Variants in MTOR observed in about 807,000 individuals in gnomAD.
The protein encoded by MTOR is mechanistic target of rapamycin kinase.
A neutral mutation model predicts 319.8 loss-of-function variants in MTOR; 70 were observed. The ratio of observed to expected loss-of-function variants is 0.22; its 90% CI spans 0.18 to 0.27. MTOR has a LOEUF of 0.27. Ranked by LOEUF, MTOR falls within the 10% of genes least tolerant of loss-of-function variation. The pLI is 1.00. For missense variants in MTOR, 1,890 were observed against 3,274.4 expected (o/e 0.58, Z 10.32); for synonymous variants, 1,183 against 1,211.4 (o/e 0.98, Z 0.49).
chr1:11,181,829 C>T (rs1334262282), intron 28 of MTOR, among the ~76,000 whole-genome samples: 1 of 152,188 alleles, frequency 6.6e-6, no homozygotes, highest in Admixed American at 6.5e-5. Flanking sequence ...AGGCTTTATG[C>T]TAAGTGCTAG....
intron 19 of MTOR, among the ~76,000 whole-genome samples, chr1:11,220,332 T>C (rs1459304037): frequency 6.6e-6 from 1 of 152,182 alleles, no homozygotes; most frequent in African/African-American, 2.4e-5. Flanking sequence ...TGGGATCGTA[T>C]CTACAGTTGT....
Position 11,243,339 on chromosome 1 carries a change from G to T in MTOR, c.1226-39C>A, listed in dbSNP as rs373653128. Reference sequence around the variant, plus strand: ...AGACAAAGTAGATAGCTCCAGGTCAGGGTTAGGGTCTACATATCAACAGTC... The same window carrying T: ...AGACAAAGTAGATAGCTCCAGGTCATGGTTAGGGTCTACATATCAACAGTC... On this transcript the variant is annotated intron_variant, in intron 8 of 57. Transcript: ENST00000361445. 4.3e-5 allele frequency: 69 copies of T among 1,588,756 alleles called. No homozygotes were observed. In the Middle Eastern group the frequency reaches 1.5e-3, roughly 35 times the overall value.
intron 28 of MTOR, among the ~76,000 whole-genome samples, chr1:11,174,966 C>A (rs1004521845): frequency 1.3e-5 from 2 of 152,200 alleles, no homozygotes; most frequent in African/African-American, 4.8e-5. Context: ...TGAGGCTTGT[C>A]AGCAACGTGC....
chr1:11,211,727 AATG>A (rs1366113602), intron 23 of MTOR, among the ~76,000 whole-genome samples: 1 of 152,118 alleles, frequency 6.6e-6, no homozygotes, highest in East Asian at 1.9e-4. Context: ...CTTGTCCAGG[AATG>A]ATATTTTGAG....
At chr1:11,162,777 G>A (rs1190667911) in intron 29 of MTOR, among the ~76,000 whole-genome samples, 1 of 152,152 alleles carries the variant, frequency 6.6e-6, no homozygotes, top group Non-Finnish European at 1.5e-5. Flanking sequence ...AAGAGCTCCT[G>A]AAGGAAGCAC....
intron 24 of MTOR, among the ~76,000 whole-genome samples, chr1:11,210,409 C>T (rs1646271878): frequency 6.6e-6 from 1 of 152,194 alleles, no homozygotes; most frequent in African/African-American, 2.4e-5. Flanking sequence ...CTTGGCCTCC[C>T]AAGGCGGGAG....
intron 54 of MTOR, among the ~76,000 whole-genome samples, chr1:11,112,437 T>C (rs1641934963): frequency 6.6e-6 from 1 of 152,242 alleles, no homozygotes; most frequent in South Asian, 2.1e-4. Flanking sequence ...TATTAGCTGC[T>C]TGGTGCTCAG....
chr1:11,162,549 C>T (rs1416691445), intron 29 of MTOR, among the ~76,000 whole-genome samples: 1 of 152,168 alleles, frequency 6.6e-6, no homozygotes, highest in Non-Finnish European at 1.5e-5. Context: ...GTTGGGTTAC[C>T]CACAAAGGGA....
At chr1:11,185,173 G>A (rs1363480079) in intron 28 of MTOR, among the ~76,000 whole-genome samples, 1 of 152,004 alleles carries the variant, frequency 6.6e-6, no homozygotes, top group East Asian at 1.9e-4. Context: ...CAGACACTGG[G>A]CCAGAATAAT....
At chr1:11,213,668 T>C (rs953025802) in intron 20 of MTOR, 102 bp from the exon 21 acceptor site, 4 of 1,130,786 alleles carry the variant, frequency 3.5e-6, no homozygotes, top group Admixed American at 2.1e-5. Flanking sequence ...GTAGTGAGCA[T>C]GGTCTGCGCC....
At chr1:11,159,596 G>A (rs748645368) in intron 29 of MTOR, among the ~76,000 whole-genome samples, 17 of 151,402 alleles carry the variant, frequency 1.1e-4, no homozygotes, top group South Asian at 2.1e-4. Flanking sequence ...AACCAAGATC[G>A]TGCCATTGCA....
rs564668264 is a variant in MTOR, at chr1:11,121,595, A to G, written c.6811-227T>C. Among the ~76,000 whole-genome samples the G allele has an allele frequency of 6.6e-6, 1 of 152,224 alleles. No individual in the cohort carries two copies. Among genetic ancestry groups the G allele is most frequent in the African/African-American group, 2.4e-5 (1 of 41,464 alleles). On this transcript the variant is annotated intron_variant, in intron 48 of 57. Transcript: ENST00000361445. The surrounding 1 kb of genome is among the most constrained non-coding windows in gnomAD (Gnocchi z 4.9). Reference sequence around the variant, plus strand: ...AGGGAAAAACACGAGACTTCACCTCAGTTATAGGCCTTCTGTGCAGATGAG... The same window carrying G: ...AGGGAAAAACACGAGACTTCACCTCGGTTATAGGCCTTCTGTGCAGATGAG...
At chr1:11,157,313 C>T (rs1333119728) in intron 29 of MTOR, 22 bp from the exon 30 acceptor site, 1 of 1,609,880 alleles carries the variant, frequency 6.2e-7, no homozygotes, top group Non-Finnish European at 8.5e-7. Context: ...GAAAGAAAGA[C>T]TGCTGTGAGG....
chr1:11,241,754 G>A, intron 9 of MTOR, 73 bp from the exon 10 acceptor site: 1 of 1,549,204 alleles, frequency 6.5e-7, no homozygotes, highest in South Asian at 1.2e-5. Context: ...AATCACCTTG[G>A]GGCAAGGAGA....
chr1:11,133,040 C>G lies in MTOR; in HGVS notation c.5364+40G>C, dbSNP rs746382694. ...GAGCACACAGGAGGACACGAGCCAG[C>G]CAGGGTGCTGGGTCTCACAGGTGGC... is the stretch of plus-strand genomic sequence containing the variant. On this transcript the variant is annotated intron_variant, in intron 38 of 57. Coordinates refer to ENST00000361445, the MANE Select transcript of MTOR (RefSeq NM_004958.4). The surrounding 1 kb of genome is among the most constrained non-coding windows in gnomAD (Gnocchi z 4.0). The G allele has an allele frequency of 1.3e-6, 2 of 1,566,766 alleles. No homozygotes were observed. The highest frequency in any genetic ancestry group is 3.3e-5 in the Admixed American group (2 of 59,870).
intron 28 of MTOR, among the ~76,000 whole-genome samples, chr1:11,177,092 T>G (rs887718874): frequency 6.6e-6 from 1 of 152,078 alleles, no homozygotes; most frequent in Non-Finnish European, 1.5e-5. Context: ...TACCTCTGGG[T>G]CTGGCAGGGC....
intron 1 of MTOR, among the ~76,000 whole-genome samples, chr1:11,260,974 TAGA>T (rs1162364579): frequency 6.6e-6 from 1 of 151,538 alleles, no homozygotes; most frequent in Non-Finnish European, 1.5e-5. Flanking sequence ...GTGTTTTTAG[TAGA>T]GATGGGGTTT....
At chr1:11,161,299 G>C (rs1644469932) in intron 29 of MTOR, among the ~76,000 whole-genome samples, 1 of 152,232 alleles carries the variant, frequency 6.6e-6, no homozygotes, top group East Asian at 1.9e-4. Context: ...GCTAGATCTG[G>C]GTGGAGCCCA....
intron 23 of MTOR, among the ~76,000 whole-genome samples, chr1:11,211,557 C>CA (rs1192664904): frequency 6.6e-6 from 1 of 152,108 alleles, no homozygotes; most frequent in Non-Finnish European, 1.5e-5. Context: ...TTTGTGGAGA[C>CA]AGGGTCTTGC....
Sources: gnomAD v4.1 joint callset for allele counts (sites outside exome capture counted in the v4.1 genomes callset) on GRCh38, gnomAD v4.1.1 for gene constraint, Gnocchi (gnomAD v3.1) non-coding constraint, MANE v1.5 for transcripts, NCBI Gene and HGNC (gene_info 2026-07-23, HGNC 2026-07-21) for gene names.